TTC7A: variants seen among roughly 807,000 people sequenced by gnomAD.
The protein encoded by TTC7A is tetratricopeptide repeat protein 7A.
TTC7A carries 110 observed loss-of-function variants against 103.7 expected under a neutral mutation model. The ratio of observed to expected loss-of-function variants is 1.06; its 90% CI spans 0.91 to 1.24. The LOEUF (loss-of-function observed/expected upper bound fraction) is 1.24, where lower values mean the gene tolerates loss of function less well. Among genes scored for constraint, TTC7A ranks in the 50% most tolerant of loss-of-function variants. TTC7A has a pLI of 0.00. For synonymous variants in TTC7A, 521 were observed against 467.9 expected (o/e 1.11, Z -1.47); for missense variants, 1,340 against 1,116.3 (o/e 1.20, Z -2.86).
chr2:46,972,190 C>G (rs1673425843), intron 3 of TTC7A, among the ~76,000 whole-genome samples: 1 of 150,498 alleles, frequency 6.6e-6, no homozygotes, highest in Non-Finnish European at 1.5e-5. Flanking sequence ...CAATATTTTT[C>G]CTGTCTTAAA....
chr2:47,016,241 A>ATTTTTGTG (rs1392475012), intron 11 of TTC7A, among the ~76,000 whole-genome samples: 17 of 152,244 alleles, frequency 1.1e-4, no homozygotes, highest in African/African-American at 4.1e-4. Flanking sequence ...GGATCAAAAC[A>ATTTTTGTG]TTATGTCCTT....
At chr2:46,956,728 G>A (rs1572717240) in intron 2 of TTC7A, 111 bp from the exon 3 acceptor site, 1 of 1,117,380 alleles carries the variant, frequency 8.9e-7, no homozygotes, top group Non-Finnish European at 1.3e-6. Context: ...TTCTGGAGGA[G>A]GAGGGGAGTT....
intron 2 of TTC7A, among the ~76,000 whole-genome samples, chr2:46,934,775 A>AAGACT (rs1239902181): frequency 7.0e-6 from 1 of 142,036 alleles, no homozygotes; most frequent in Non-Finnish European, 1.5e-5. Flanking sequence ...ATAAGGTATG[A>AAGACT]AGACTACTGC....
In TTC7A at chr2:47,029,357, C is replaced by T; in HGVS notation, c.1775C>T (p.Ala592Val). 6.2e-7 allele frequency: 1 copy of T among 1,613,936 alleles called. No homozygotes were observed. Among genetic ancestry groups the T allele is most frequent in the South Asian group, 1.1e-5 (1 of 91,084 alleles). ...HQHALDVVNM[A>V]ITEHPENFNL... ...CATGCCCTGGATGTTGTCAACATGG[C>T]CATCACCGAGCACCCTGAGAACTTC... is the stretch of plus-strand genomic sequence containing the variant. Residue 592 changes from alanine to valine, a missense_variant, in exon 15 of 20, where the codon GCC becomes GTC. Transcript: ENST00000319190.
At chr2:47,009,110 G>T (rs112914818) in intron 10 of TTC7A, among the ~76,000 whole-genome samples, 5 of 150,794 alleles carry the variant, frequency 3.3e-5, no homozygotes, top group Non-Finnish European at 7.4e-5. Context: ...GGTGTGGATG[G>T]AGGGGCCTTG....
In TTC7A at chr2:47,008,586, C is replaced by T. The variant is rs565590507; in HGVS notation, c.1287+1862C>T. ...TGCATGAGGCTTCATGGGCTGGAGA[C>T]ACTGTGTGTTCGGTGCAGCAGGAGA... On this transcript the variant is annotated intron_variant, in intron 10 of 19. Coordinates refer to ENST00000319190, the MANE Select transcript of TTC7A (RefSeq NM_020458.4). Among the ~76,000 whole-genome samples, 6 of 152,310 alleles carry T rather than the reference C, an allele frequency of 3.9e-5. No individual in the cohort carries two copies. The East Asian group carries it at 9.7e-4, about 25-fold the overall frequency.
intron 17 of TTC7A, chr2:47,050,320 C>A: frequency 2.0e-6 from 1 of 488,002 alleles, no homozygotes; most frequent in South Asian, 2.4e-5. Flanking sequence ...CTGTGGAGCA[C>A]AGAAACCGTT....
At chr2:47,058,707 G>T (rs544953927) in intron 18 of TTC7A, among the ~76,000 whole-genome samples, 77 of 152,350 alleles carry the variant, frequency 5.1e-4, no homozygotes, top group African/African-American at 1.8e-3. Flanking sequence ...AAGCCTGGGG[G>T]CTGCTTTGGA....
chr2:47,056,706 G>A (rs1331825536), intron 18 of TTC7A, among the ~76,000 whole-genome samples: 1 of 152,212 alleles, frequency 6.6e-6, no homozygotes, highest in East Asian at 1.9e-4. Context: ...CCGAGAGAAA[G>A]CACAGAGGAG....
chr2:47,073,623 C>CA (rs1684963741), intron 19 of TTC7A, 79 bp from the exon 20 acceptor site: 3 of 1,252,494 alleles, frequency 2.4e-6, no homozygotes, highest in Non-Finnish European at 3.5e-6. Context: ...GCCACCCGTG[C>CA]ACCTGTGCTT....
intron 15 of TTC7A, among the ~76,000 whole-genome samples, chr2:47,036,371 G>A (rs1681108487): frequency 6.6e-6 from 1 of 152,236 alleles, no homozygotes; most frequent in Admixed American, 6.5e-5. Flanking sequence ...TTAAGAGGTG[G>A]AGGATCATCA....
chr2:47,070,267 G>T lies in TTC7A; in HGVS notation c.2356-3435G>T, dbSNP rs550026472. Among the ~76,000 whole-genome samples the T allele has an allele frequency of 2.6e-5, 4 of 152,374 alleles. No homozygotes were observed. The East Asian group carries it at 7.7e-4, about 29-fold the overall frequency. On this transcript the variant is annotated intron_variant, in intron 19 of 19. Coordinates refer to ENST00000319190, the MANE Select transcript of TTC7A (RefSeq NM_020458.4). ...CTCTGCAGATGACCTGGGTCCCACAGGGAGGCTCCCCACTGAGTGTGAGCC... is the reference window on the plus strand; with the variant it reads ...CTCTGCAGATGACCTGGGTCCCACATGGAGGCTCCCCACTGAGTGTGAGCC...
rs542820018 is a variant in TTC7A, at chr2:46,982,778, A to T, written c.764+3871A>T. On this transcript the variant is annotated intron_variant, in intron 5 of 19. Coordinates refer to ENST00000319190, the MANE Select transcript of TTC7A (RefSeq NM_020458.4). ...CACAAGTTTGAGACCAGCCTGGACA[A>T]CATAGTGAGACCGTCTCTACAAAAA... 2.6e-5 allele frequency among the ~76,000 whole-genome samples: 4 copies of T among 152,276 alleles called. 1 individual carries two copies. Among genetic ancestry groups the T allele is most frequent in the East Asian group, 3.9e-4 (2 of 5,176 alleles).
intron 18 of TTC7A, among the ~76,000 whole-genome samples, chr2:47,055,852 C>T (rs796650543): frequency 2.4e-4 from 37 of 152,228 alleles, no homozygotes; most frequent in African/African-American, 8.2e-4. Flanking sequence ...GTGGCTGAAG[C>T]GGGTGTTTAT....
chr2:47,040,995 C>T (rs537633774), intron 15 of TTC7A, among the ~76,000 whole-genome samples: 5 of 152,262 alleles, frequency 3.3e-5, no homozygotes, highest in African/African-American at 9.6e-5. Flanking sequence ...TGCTGGATTT[C>T]GGTATTCAGG....
chr2:47,053,037 GC>G (rs1683002085), intron 18 of TTC7A, among the ~76,000 whole-genome samples: 1 of 152,096 alleles, frequency 6.6e-6, no homozygotes, highest in Non-Finnish European at 1.5e-5. Flanking sequence ...TATGCAGTAC[GC>G]CCCCACTCTC....
At chr2:46,993,388 G>A in intron 5 of TTC7A, 62 bp from the exon 6 acceptor site, 2 of 1,529,766 alleles carry the variant, frequency 1.3e-6, no homozygotes, top group Admixed American at 1.7e-5. Flanking sequence ...CTGGTGTGCT[G>A]AGAGCATCCT....
At chr2:47,032,523 A>T (rs1449394816) in intron 15 of TTC7A, among the ~76,000 whole-genome samples, 1 of 152,184 alleles carries the variant, frequency 6.6e-6, no homozygotes, top group East Asian at 1.9e-4. Context: ...CTCTGAGGTC[A>T]GAGCAGACTT....
intron 2 of TTC7A, among the ~76,000 whole-genome samples, chr2:46,931,735 A>G (rs1669719894): frequency 7.0e-6 from 1 of 143,612 alleles, no homozygotes; most frequent in African/African-American, 2.7e-5. Flanking sequence ...AAATTGATAA[A>G]TCCCTGTCAA....
Sources: gnomAD v4.1 joint callset for allele counts (sites outside exome capture counted in the v4.1 genomes callset) on GRCh38, gnomAD v4.1.1 for gene constraint, MANE v1.5 for transcripts, NCBI Gene and HGNC (gene_info 2026-07-23, HGNC 2026-07-21) for gene names.